The following TMEM97 variants were observed in gnomAD, a reference collection of about 807,000 sequenced individuals.
The protein encoded by TMEM97 is transmembrane protein 97.
In TMEM97, 13 loss-of-function variants were observed where a neutral mutation model predicts 18.3. The observed-to-expected ratio is 0.71, with a 90% confidence interval of 0.46 to 1.13. TMEM97 has a LOEUF of 1.13. Ranked by LOEUF, TMEM97 falls within the 50% of genes most tolerant of loss-of-function variation. The probability of loss-of-function intolerance (pLI) is 0.00; values close to 1 mark genes in which losing one functional copy is unlikely to be tolerated. For synonymous variants in TMEM97, 76 were observed against 85.3 expected, an observed-to-expected ratio of 0.89 and a Z score of 0.60; for missense variants, 205 against 210.5, an observed-to-expected ratio of 0.97 and a Z score of 0.16.
rs1437669310 is a variant in TMEM97, at chr17:28,327,550, G to C, written c.*757G>C. The stretch of plus-strand genomic sequence containing the variant: ...CACCTGTCAGCAAAATGAATAGTGG[G>C]ATATTTTGGGCCATTTTAAATGTGA... On this transcript the variant is annotated 3_prime_UTR_variant, in exon 3 of 3. Coordinates refer to ENST00000226230, the MANE Select transcript of TMEM97 (RefSeq NM_014573.3). 6.6e-6 allele frequency: 1 copy of C among 152,136 alleles called. No homozygotes were observed. Among genetic ancestry groups the C allele is most frequent in the Non-Finnish European group, 1.5e-5 (1 of 68,034 alleles). The allele number at this position is 152,136 out of a possible 1,614,324, so 9.4% of individuals were successfully genotyped here. A position where few individuals can be genotyped will look rare whatever the true frequency, so the allele number is the denominator to read the frequency against.
intron 1 of TMEM97, among the ~76,000 whole-genome samples, chr17:28,320,154 T>TC (rs1906088303): frequency 6.6e-6 from 1 of 152,222 alleles, no homozygotes. Context: ...CTCCATCTTA[T>TC]CTATAACTGT....
rs1441423797 is a variant in TMEM97 at position 28,319,243 on chromosome 17, G to T, written c.4G>T (p.Gly2Trp). Residue 2 changes from glycine (G) to tryptophan (W), a missense_variant, in exon 1 of 3, where the codon GGG becomes TGG. Transcript: ENST00000226230. ...GTCCAGGCCCAACCGACAGACTATG[G>T]GGGCTCCGGCAACCAGGCGCTGCGT... The part of the protein sequence containing the change: M[G>W]APATRRCVEW... The T allele has an allele frequency of 1.9e-6, 3 of 1,607,460 alleles. No individual in the cohort carries two copies. Among genetic ancestry groups the T allele is most frequent in the Admixed American group, 1.7e-5 (1 of 59,494 alleles).
rs1906384168 is a variant in TMEM97, at chr17:28,327,087, A to G, written c.*294A>G. 1 of 375,486 alleles carries G rather than the reference A, an allele frequency of 2.7e-6. No homozygotes were observed. The highest frequency in any genetic ancestry group is 4.9e-6 in the Non-Finnish European group (1 of 202,070). The allele number at this position is 375,486 out of a possible 1,614,324, so 23.3% of individuals were successfully genotyped here. ...CTCAAGCCATCTTCCTTAGCCTCCC[A>G]AGTAGCTAGAACTACAGGTGTGTAC... On this transcript the variant is annotated 3_prime_UTR_variant, in exon 3 of 3. Transcript: ENST00000226230.
rs1906433254 is a variant in TMEM97 at position 28,327,927 on chromosome 17, T to C, written c.*1134T>C. On this transcript the variant is annotated 3_prime_UTR_variant, in exon 3 of 3. Coordinates refer to ENST00000226230, the MANE Select transcript of TMEM97 (RefSeq NM_014573.3). ...GGAAGTGTGCTAGTATGCTCCCTAG[T>C]GGATAACTTAATCTTTTAATACAGT... is the stretch of plus-strand genomic sequence containing the variant. 6.6e-6 allele frequency: 1 copy of C among 152,306 alleles called. No individual in the cohort carries two copies. Among genetic ancestry groups the C allele is most frequent in the Non-Finnish European group, 1.5e-5 (1 of 68,062 alleles). The allele number at this position is 152,306 out of a possible 1,614,324, so 9.4% of individuals were successfully genotyped here.
At position 28,326,663 on chromosome 17, in the gene TMEM97, CT is replaced by C. The variant is rs782011769; in HGVS notation, c.402del (p.Glu135ArgfsTer7). The C allele has an allele frequency of 6.2e-7, 1 of 1,614,158 alleles. No individual in the cohort carries two copies. Among genetic ancestry groups the C allele is most frequent in the Non-Finnish European group, 8.5e-7 (1 of 1,180,040 alleles). ...GCCAGTGGTTTCAAGGGACAAAGAC[CT>C]GAGACTTTGCATGAACGGTTAACCC... Reference protein sequence around the residue: ...SKASGFKGQRPETLHERLTLV... With the variant: ...SKASGFKGQRXETLHERLTLV... On this transcript the variant is annotated frameshift_variant, in exon 3 of 3. Transcript: ENST00000226230. LOFTEE classifies it high-confidence loss of function.
chr17:28,325,542 G>A lies in TMEM97; in HGVS notation c.166G>A (p.Asp56Asn). ...LLKWYAKEFK[D>N]PLLQEPPAWF... ...GAAGTGGTATGCTAAGGAGTTCAAA[G>A]ACCCACTGCTACAGGAGCCCCCAGC... Residue 56 changes from aspartate to asparagine, a missense_variant, in exon 2 of 3, where the codon GAC (aspartate) becomes AAC (asparagine). Transcript: ENST00000226230. The A allele has an allele frequency of 6.2e-7, 1 of 1,614,210 alleles. No homozygotes were observed. Among genetic ancestry groups the A allele is most frequent in the Non-Finnish European group, 8.5e-7 (1 of 1,180,044 alleles).
intron 1 of TMEM97, among the ~76,000 whole-genome samples, chr17:28,321,952 T>C (rs1555574937): frequency 6.6e-6 from 1 of 152,168 alleles, no homozygotes; most frequent in Non-Finnish European, 1.5e-5. Flanking sequence ...GGAAGGTCTG[T>C]GCCTCCATTC....
At chr17:28,326,486 G>T in intron 2 of TMEM97, 48 bp from the exon 3 acceptor site, 1 of 1,579,432 alleles carries the variant, frequency 6.3e-7, no homozygotes, top group South Asian at 1.2e-5. Flanking sequence ...GGACACCTTT[G>T]AGTCATGAAC....
At position 28,325,686 on chromosome 17, in the gene TMEM97, A is replaced by G. The variant is rs1555575391; in HGVS notation, c.271+39A>G. 1.9e-6 allele frequency: 3 copies of G among 1,612,800 alleles called. No individual in the cohort carries two copies. The South Asian group carries it at 3.3e-5, about 18-fold the overall frequency. On this transcript the variant is annotated intron_variant, in intron 2 of 2. Coordinates refer to ENST00000226230, the MANE Select transcript of TMEM97 (RefSeq NM_014573.3). ...GGGAAAATCCCATTTTTACTCAGAA[A>G]TCAGGTCCCAGAAATCTTTTGGGAA... is the stretch of plus-strand genomic sequence containing the variant.
intron 1 of TMEM97, among the ~76,000 whole-genome samples, chr17:28,324,015 T>C (rs1428207534): frequency 1.3e-5 from 2 of 152,144 alleles, no homozygotes; most frequent in African/African-American, 4.8e-5. Flanking sequence ...ATAATAATTT[T>C]ATAGTCAATC....
At chr17:28,326,205 T>C (rs886262719) in intron 2 of TMEM97, among the ~76,000 whole-genome samples, 1 of 152,210 alleles carries the variant, frequency 6.6e-6, no homozygotes, top group Non-Finnish European at 1.5e-5. Context: ...CTATATATAA[T>C]TACTGAACAA....
chr17:28,319,559 C>T (rs782819792), intron 1 of TMEM97, 194 bp downstream of exon 1: 2 of 613,798 alleles, frequency 3.3e-6, no homozygotes, highest in Non-Finnish European at 5.0e-6. Flanking sequence ...AGCCCCTTCT[C>T]CCAAGCGGCG....
At chr17:28,324,271 A>G (rs1327474539) in intron 1 of TMEM97, among the ~76,000 whole-genome samples, 1 of 152,224 alleles carries the variant, frequency 6.6e-6, no homozygotes, top group African/African-American at 2.4e-5. Context: ...ATTAAGTACA[A>G]ATTTGGATAT....
intron 1 of TMEM97, among the ~76,000 whole-genome samples, chr17:28,320,155 C>T (rs1555574783): frequency 6.6e-6 from 1 of 152,120 alleles, no homozygotes; most frequent in African/African-American, 2.4e-5. Context: ...TCCATCTTAT[C>T]TATAACTGTA....
At chr17:28,321,648 GTCT>G (rs1246046914) in intron 1 of TMEM97, among the ~76,000 whole-genome samples, 13 of 152,112 alleles carry the variant, frequency 8.5e-5, no homozygotes, top group Admixed American at 5.2e-4. Context: ...ACCCAGGCTG[GTCT>G]TCTGGGCTCA....
chr17:28,326,418 T>C, intron 2 of TMEM97, 116 bp from the exon 3 acceptor site: 1 of 1,309,214 alleles, frequency 7.6e-7, no homozygotes, highest in African/African-American at 1.5e-5. Context: ...AGTTCCGAGT[T>C]TCCACTTGGA....
chr17:28,323,318 T>C (rs1555575107), intron 1 of TMEM97, among the ~76,000 whole-genome samples: 1 of 152,206 alleles, frequency 6.6e-6, no homozygotes, highest in African/African-American at 2.4e-5. Flanking sequence ...CTTGTAGGCC[T>C]TAGAAATTAA....
chr17:28,328,520 G>A lies in TMEM97; in HGVS notation c.*1727G>A, dbSNP rs1906478082. ...AGACTTGTAGTGCTGTCTTCAGGGG[G>A]CTGCATTCCTTACACGCCACCTCTT... On this transcript the variant is annotated 3_prime_UTR_variant, in exon 3 of 3. Coordinates refer to ENST00000226230, the MANE Select transcript of TMEM97 (RefSeq NM_014573.3). 2 of 674,810 alleles carry A rather than the reference G, an allele frequency of 3.0e-6. No homozygotes were observed. Among genetic ancestry groups the A allele is most frequent in the Admixed American group, 5.6e-5 (2 of 35,742 alleles). 41.8% of individuals were successfully genotyped at this position (674,810 alleles called of 1,614,324 possible). A position where few individuals can be genotyped will look rare whatever the true frequency, so the allele number is the denominator to read the frequency against.
At position 28,326,857 on chromosome 17, in the gene TMEM97, A is replaced by G; in HGVS notation, c.*64A>G. 6.4e-7 allele frequency: 1 copy of G among 1,552,162 alleles called. No homozygotes were observed. The highest frequency in any genetic ancestry group is 8.6e-7 in the Non-Finnish European group (1 of 1,156,582). ...GGTGGTTGCTTGTTGGATACAATAC[A>G]AGGAACACTGCTCAGAACCCACGTC... is the stretch of plus-strand genomic sequence containing the variant. On this transcript the variant is annotated 3_prime_UTR_variant, in exon 3 of 3. Coordinates refer to ENST00000226230, the MANE Select transcript of TMEM97 (RefSeq NM_014573.3).
Sources: gnomAD v4.1 joint callset for allele counts (sites outside exome capture counted in the v4.1 genomes callset) on GRCh38, gnomAD v4.1.1 for gene constraint, MANE v1.5 for transcripts, NCBI Gene and HGNC (gene_info 2026-07-23, HGNC 2026-07-21) for gene names.